AOX1: variants seen among roughly 807,000 people sequenced by gnomAD.
AOX1 encodes aldehyde oxidase.
Under a neutral mutation model 169.5 loss-of-function variants are expected in AOX1, and 153 were observed. The ratio of observed to expected loss-of-function variants is 0.90; its 90% confidence interval spans 0.79 to 1.03. The LOEUF (loss-of-function observed/expected upper bound fraction) is 1.03, where lower values mean the gene tolerates loss of function less well. Among genes scored for constraint, AOX1 ranks in the 50% least tolerant of loss-of-function variants. The probability of loss-of-function intolerance (pLI) is 0.00; values close to 1 mark genes in which losing one functional copy is unlikely to be tolerated. For synonymous variants in AOX1, 562 were observed against 581.9 expected, an observed-to-expected ratio of 0.97 and a Z score of 0.49; for missense variants, 1,656 against 1,663.9, an observed-to-expected ratio of 1.00 and a Z score of 0.08.
Position 200,604,781 on chromosome 2 carries a change from T to A in AOX1, c.755T>A (p.Leu252Gln), listed in dbSNP as rs751193616. 1.2e-6 allele frequency: 2 copies of A among 1,613,864 alleles called. No individual in the cohort carries two copies. The highest frequency in any genetic ancestry group is 2.7e-5 in the African/African-American group (2 of 74,866). Reference protein sequence around the residue: ...MWFSPVTLKELLEFKFKYPQA... With the variant: ...MWFSPVTLKEQLEFKFKYPQA... ...TTTTCCCCCGTGACCCTGAAGGAAC[T>A]GCTGGAATTTAAATTCAAGTATCCC... The change falls in exon 9 of 35, where the codon CTG (leucine) becomes CAG (glutamine). Residue 252 changes from leucine to glutamine, a missense_variant. Transcript: ENST00000374700.
chr2:200,608,203 G>A (rs1364711842), intron 10 of AOX1, among the ~76,000 whole-genome samples: 2 of 152,164 alleles, frequency 1.3e-5, no homozygotes, highest in Non-Finnish European at 2.9e-5. Context: ...GGAAGACTGA[G>A]GGAAGAATTC....
chr2:200,677,486 T>TG (rs1266570315), downstream of AOX1, among the ~76,000 whole-genome samples: 1 of 152,160 alleles, frequency 6.6e-6, no homozygotes, highest in Non-Finnish European at 1.5e-5. Context: ...CCACCACCAT[T>TG]GCCACCACAC....
At chr2:200,663,051 T>C in intron 31 of AOX1, 82 bp downstream of exon 31, 4 of 1,069,628 alleles carry the variant, frequency 3.7e-6, no homozygotes, top group Non-Finnish European at 5.8e-6. Context: ...GAGGAGAGCT[T>C]AGTGAGTGGC....
chr2:200,668,869 C>T (rs1574967382), intron 33 of AOX1, 66 bp downstream of exon 33: 5 of 1,395,446 alleles, frequency 3.6e-6, no homozygotes, highest in African/African-American at 2.9e-5. Context: ...AGGAAGGCTA[C>T]ATTCCTCTCT....
downstream of AOX1, chr2:200,681,563 A>T (rs2036152944): frequency 6.6e-6 from 1 of 152,622 alleles, no homozygotes; most frequent in African/African-American, 2.4e-5. Flanking sequence ...GAGCATTTTC[A>T]TCCAAGGGAT....
At chr2:200,681,865 G>T (rs1379534410), downstream of AOX1, among the ~76,000 whole-genome samples, 1 of 151,932 alleles carries the variant, frequency 6.6e-6, no homozygotes, top group Non-Finnish European at 1.5e-5. Flanking sequence ...GAAATATTAC[G>T]ACTCTAAAAT....
At chr2:200,593,315 A>G in intron 2 of AOX1, 112 bp downstream of exon 2, 4 of 881,050 alleles carry the variant, frequency 4.5e-6, no homozygotes, top group Middle Eastern at 2.5e-4. Flanking sequence ...CATATTCCCT[A>G]CTATCATGGT....
rs745561068 is a variant in AOX1 at position 200,629,660 on chromosome 2, G to A, written c.2221+2211G>A. Among the ~76,000 whole-genome samples, 74 of 152,230 alleles carry A rather than the reference G, an allele frequency of 4.9e-4. 1 individual carries two copies. The highest frequency in any genetic ancestry group is 9.4e-4 in the Non-Finnish European group (64 of 68,010). On this transcript the variant is annotated intron_variant, in intron 20 of 34. Transcript: ENST00000374700. The stretch of plus-strand genomic sequence containing the variant: ...ACTGGAAAAGTGAGTTTGATTTATG[G>A]GAATGAAGAGAAAAAGAGGGTACAT...
chr2:200,611,523 T>C (rs769852378), intron 13 of AOX1, 30 bp downstream of exon 13: 7 of 1,398,832 alleles, frequency 5.0e-6, no homozygotes. Flanking sequence ...AATTTCCCAG[T>C]TGCACCTGTG....
chr2:200,668,860 G>A, intron 33 of AOX1, 57 bp downstream of exon 33: 2 of 1,470,086 alleles, frequency 1.4e-6, no homozygotes, highest in Non-Finnish European at 1.9e-6. Context: ...TTGGGTGACA[G>A]GAAGGCTACA....
At chr2:200,614,463 G>A (rs985401874) in intron 15 of AOX1, among the ~76,000 whole-genome samples, 1 of 152,168 alleles carries the variant, frequency 6.6e-6, no homozygotes, top group African/African-American at 2.4e-5. Context: ...TGCTTCAGAG[G>A]AAATCTGTAG....
At chr2:200,656,723 C>G (rs1270357117) in intron 26 of AOX1, 119 bp from the exon 27 acceptor site, 4 of 612,500 alleles carry the variant, frequency 6.5e-6, no homozygotes, top group Non-Finnish European at 7.4e-6. Context: ...AAATGTTGCT[C>G]CACCCTGGGG....
chr2:200,619,365 G>A (rs2034834416), intron 16 of AOX1, among the ~76,000 whole-genome samples: 1 of 152,098 alleles, frequency 6.6e-6, no homozygotes, highest in African/African-American at 2.4e-5. Context: ...ATGACTGCAT[G>A]CCCCTCACCC....
intron 20 of AOX1, among the ~76,000 whole-genome samples, chr2:200,627,727 T>C (rs1431200691): frequency 6.6e-6 from 1 of 152,148 alleles, no homozygotes; most frequent in Non-Finnish European, 1.5e-5. Flanking sequence ...TTTTCTTTCC[T>C]GTTCACAACC....
chr2:200,631,006 T>C (rs1161950285), intron 20 of AOX1, among the ~76,000 whole-genome samples: 1 of 151,688 alleles, frequency 6.6e-6, no homozygotes, highest in Non-Finnish European at 1.5e-5. Flanking sequence ...AACTTAAAAG[T>C]TGAAGGAAAA....
At position 200,638,283 on chromosome 2, in the gene AOX1, C is replaced by G. The variant is rs202238148; in HGVS notation, c.2549C>G (p.Pro850Arg). The G allele has an allele frequency of 1.9e-6, 3 of 1,613,506 alleles. No individual in the cohort carries two copies. In the African/African-American group the frequency reaches 4.0e-5, roughly 22 times the overall value. Residue 850 changes from proline (P) to arginine (R), a missense_variant, in exon 23 of 35, where the codon CCT becomes CGT. Coordinates refer to ENST00000374700, the MANE Select transcript of AOX1 (RefSeq NM_001159.4). The stretch of plus-strand genomic sequence containing the variant: ...ATGTTAATAACTGGAGGCCGCCATC[C>G]TTACCTTGGAAAGTACAAAGTGAGT... ...EDMLITGGRH[P>R]YLGKYKAGFM...
chr2:200,674,675 C>T (rs754555820), downstream of AOX1, among the ~76,000 whole-genome samples: 1 of 152,186 alleles, frequency 6.6e-6, no homozygotes, highest in Non-Finnish European at 1.5e-5. Flanking sequence ...TGCACGGGCC[C>T]GACAGCATGG....
At chr2:200,640,044 A>G (rs1426049576) in intron 23 of AOX1, among the ~76,000 whole-genome samples, 1 of 151,908 alleles carries the variant, frequency 6.6e-6, no homozygotes, top group Non-Finnish European at 1.5e-5. Flanking sequence ...CTCAAAAAAA[A>G]AAAAAAAAAA....
chr2:200,619,460 G>A (rs1475574719), intron 16 of AOX1, among the ~76,000 whole-genome samples: 2 of 152,154 alleles, frequency 1.3e-5, no homozygotes, highest in Non-Finnish European at 2.9e-5. Flanking sequence ...TACAGATGGG[G>A]GTACCCACCA....
Sources: gnomAD v4.1 joint callset for allele counts (sites outside exome capture counted in the v4.1 genomes callset) on GRCh38, gnomAD v4.1.1 for gene constraint, MANE v1.5 for transcripts, NCBI Gene and HGNC (gene_info 2026-07-23, HGNC 2026-07-21) for gene names.